Variants in NXPE4 observed in about 807,000 individuals in gnomAD.
NXPE4 encodes the protein neurexophilin and PC-esterase domain family member 4.
NXPE4 carries 42 observed loss-of-function variants against 33.3 expected under a neutral mutation model. The observed-to-expected ratio is 1.26, with a 90% confidence interval of 0.98 to 1.63. NXPE4 has a LOEUF of 1.63. Ranked by LOEUF, NXPE4 falls within the 40% of genes most tolerant of loss-of-function variation. NXPE4 has a pLI of 0.00. For synonymous variants in NXPE4, 253 were observed against 234.9 expected (o/e 1.08, Z -0.71); for missense variants, 709 against 647.6 (o/e 1.09, Z -1.03).
the NXPE4 span, among the ~76,000 whole-genome samples, chr11:114,631,254 CAA>C: frequency 4.6e-5 from 7 of 151,756 alleles, no homozygotes; most frequent in African/African-American, 1.7e-4. Context: ...TTCACAATAG[CAA>C]AGACTTGGAA....
At chr11:114,634,521 G>GA in the NXPE4 span, among the ~76,000 whole-genome samples, 1 of 152,016 alleles carries the variant, frequency 6.6e-6, no homozygotes, top group African/African-American at 2.4e-5. Context: ...TGGTGTTTTA[G>GA]ACATGAAGTC....
At chr11:114,578,440 AAAG>A (rs1159633460) in intron 5 of NXPE4, among the ~76,000 whole-genome samples, 4 of 152,294 alleles carry the variant, frequency 2.6e-5, no homozygotes, top group African/African-American at 9.6e-5. Flanking sequence ...ATGTGATGCT[AAAG>A]GCTGTTACTA....
At chr11:114,652,521 C>T in the NXPE4 span, among the ~76,000 whole-genome samples, 2 of 152,162 alleles carry the variant, frequency 1.3e-5, no homozygotes, top group South Asian at 4.1e-4. Context: ...GAATTCATCT[C>T]TAAGGGCTGT....
chr11:114,613,637 C>A, the NXPE4 span, among the ~76,000 whole-genome samples: 2 of 150,888 alleles, frequency 1.3e-5, no homozygotes, highest in African/African-American at 4.9e-5. Flanking sequence ...CACTGGATAA[C>A]AAGTGTTGCC....
At chr11:114,588,006 A>G (rs1949348248) in intron 2 of NXPE4, among the ~76,000 whole-genome samples, 1 of 152,182 alleles carries the variant, frequency 6.6e-6, no homozygotes, top group Non-Finnish European at 1.5e-5. Context: ...TCTTAGGTAC[A>G]GGCTTTCTTT....
At chr11:114,639,859 T>TTAAATATAAAATATAATA in the NXPE4 span, among the ~76,000 whole-genome samples, 1 of 69,324 alleles carries the variant, frequency 1.4e-5, no homozygotes, top group Admixed American at 2.2e-4. Flanking sequence ...ATAATATATA[T>TTAAATATAAAATATAATA]TATATTTTAT....
At chr11:114,611,404 G>A in the NXPE4 span, among the ~76,000 whole-genome samples, 1 of 151,864 alleles carries the variant, frequency 6.6e-6, no homozygotes, top group Non-Finnish European at 1.5e-5. Flanking sequence ...CTGTTTCCCA[G>A]TGGATAATAA....
At chr11:114,574,572 C>A (rs911233524) in intron 5 of NXPE4, among the ~76,000 whole-genome samples, 1 of 152,000 alleles carries the variant, frequency 6.6e-6, no homozygotes, top group Admixed American at 6.6e-5. Context: ...CTGTGAACAC[C>A]TTTAAGCACA....
At chr11:114,630,666 G>A in the NXPE4 span, among the ~76,000 whole-genome samples, 2 of 150,718 alleles carry the variant, frequency 1.3e-5, no homozygotes, top group East Asian at 3.9e-4. Context: ...AGCCAAAATT[G>A]ACAAATGGGA....
At chr11:114,645,331 A>C in the NXPE4 span, among the ~76,000 whole-genome samples, 1 of 152,040 alleles carries the variant, frequency 6.6e-6, no homozygotes, top group Non-Finnish European at 1.5e-5. Context: ...AAAAAAACCC[A>C]GTCCCCAAAA....
chr11:114,647,989 T>C, the NXPE4 span, among the ~76,000 whole-genome samples: 1 of 152,180 alleles, frequency 6.6e-6, no homozygotes, highest in Non-Finnish European at 1.5e-5. Flanking sequence ...CATGAGCCAC[T>C]GTTGCCGGCC....
At chr11:114,636,921 G>A in the NXPE4 span, among the ~76,000 whole-genome samples, 1 of 152,070 alleles carries the variant, frequency 6.6e-6, no homozygotes, top group African/African-American at 2.4e-5. Context: ...GTGTGTTGCT[G>A]AAAAAAATGT....
the NXPE4 span, among the ~76,000 whole-genome samples, chr11:114,639,718 A>G: frequency 7.7e-6 from 1 of 130,106 alleles, no homozygotes; most frequent in African/African-American, 2.9e-5. Flanking sequence ...ATAATATATA[A>G]TATAGTAATA....
At chr11:114,632,780 T>G in the NXPE4 span, among the ~76,000 whole-genome samples, 69 of 42,160 alleles carry the variant, frequency 1.6e-3, 1 homozygote, top group Middle Eastern at 0.042. Flanking sequence ...AATTATATAT[T>G]ATATATTATA....
rs1319632771 is a variant in NXPE4 at position 114,571,257 on chromosome 11, A to T, written c.1316T>A (p.Phe439Tyr). Residue 439 changes from phenylalanine to tyrosine, a missense_variant, in exon 6 of 6, where the codon TTC becomes TAC. By Grantham distance (22) the Phe-to-Tyr change is conservative (BLOSUM62 3). Coordinates refer to ENST00000375478, the MANE Select transcript of NXPE4 (RefSeq NM_001077639.2). Reference sequence around the variant, plus strand: ...AAAAACATCAATGGGAAAGGGTCTGAAATGCTGGCCCAGGGAAATAACAAT... The same window carrying T: ...AAAAACATCAATGGGAAAGGGTCTGTAATGCTGGCCCAGGGAAATAACAAT... ...TVIVISLGQH[F>Y]RPFPIDVFIR... is the part of the protein sequence containing the mutation. 1 of 1,614,050 alleles carries T rather than the reference A, an allele frequency of 6.2e-7. No individual in the cohort carries two copies. The highest frequency in any genetic ancestry group is 8.5e-7 in the Non-Finnish European group (1 of 1,179,958).
intron 2 of NXPE4, among the ~76,000 whole-genome samples, chr11:114,592,253 T>A (rs1370600432): frequency 6.6e-6 from 1 of 152,144 alleles, no homozygotes; most frequent in Non-Finnish European, 1.5e-5. Flanking sequence ...GCAGACCACA[T>A]AAACTTATAT....
intron 5 of NXPE4, among the ~76,000 whole-genome samples, chr11:114,574,589 A>G (rs1948957392): frequency 6.6e-6 from 1 of 152,136 alleles, no homozygotes; most frequent in Non-Finnish European, 1.5e-5. Context: ...CACATAAACT[A>G]GAAAACCTAG....
At chr11:114,586,042 G>A (rs953287045) in intron 2 of NXPE4, among the ~76,000 whole-genome samples, 2 of 152,238 alleles carry the variant, frequency 1.3e-5, no homozygotes, top group Admixed American at 6.5e-5. Context: ...ATGGCACACC[G>A]AGTCCTAACC....
chr11:114,587,026 A>C (rs1245230569), intron 2 of NXPE4, among the ~76,000 whole-genome samples: 2 of 152,076 alleles, frequency 1.3e-5, no homozygotes, highest in Non-Finnish European at 2.9e-5. Flanking sequence ...TTTCAAGGTC[A>C]ACAGCATCAC....
Sources: gnomAD v4.1 joint callset for allele counts (sites outside exome capture counted in the v4.1 genomes callset) on GRCh38, gnomAD v4.1.1 for gene constraint, MANE v1.5 for transcripts, NCBI Gene and HGNC (gene_info 2026-07-23, HGNC 2026-07-21) for gene names.